RNF220: variants seen among roughly 807,000 people sequenced by gnomAD.
RNF220 encodes the protein E3 ubiquitin-protein ligase RNF220.
In RNF220, 7 loss-of-function variants were observed where a neutral mutation model predicts 67.1. That is an observed-to-expected ratio of 0.10 (90% CI 0.06 to 0.20). The LOEUF (loss-of-function observed/expected upper bound fraction) is 0.20. RNF220 is among the 10% of genes least tolerant of loss of function. The pLI, the probability that RNF220 is intolerant of heterozygous loss-of-function variation, is 1.00. For missense variants in RNF220, 565 were observed against 740.3 expected, an observed-to-expected ratio of 0.76 and a Z score of 2.75; for synonymous variants, 270 against 283.2, an observed-to-expected ratio of 0.95 and a Z score of 0.47.
chr1:44,617,563 C>A (rs1557442814), intron 3 of RNF220, among the ~76,000 whole-genome samples: 1 of 152,250 alleles, frequency 6.6e-6, no homozygotes, highest in Admixed American at 6.5e-5. Flanking sequence ...GCGGGGAGCG[C>A]GGGGAGGGCC....
At chr1:44,478,432 G>A (rs1655483806) in intron 2 of RNF220, among the ~76,000 whole-genome samples, 1 of 151,958 alleles carries the variant, frequency 6.6e-6, no homozygotes, top group Non-Finnish European at 1.5e-5. Flanking sequence ...AAAAAAAAAG[G>A]GAAGAACTGC....
chr1:44,564,190 G>A (rs1663804551), intron 2 of RNF220, among the ~76,000 whole-genome samples: 1 of 152,152 alleles, frequency 6.6e-6, no homozygotes, highest in Admixed American at 6.5e-5. Flanking sequence ...TCAGAGAAAT[G>A]TTTCTCAAAT....
chr1:44,636,954 A>G (rs1019568184), intron 8 of RNF220, among the ~76,000 whole-genome samples: 20 of 152,216 alleles, frequency 1.3e-4, no homozygotes, highest in African/African-American at 4.8e-4. Flanking sequence ...GCAGGGGAAA[A>G]GGGGAGCTGT....
At chr1:44,644,608 C>T in intron 8 of RNF220, 90 bp from the exon 9 acceptor site, 1 of 984,344 alleles carries the variant, frequency 1.0e-6, no homozygotes, top group East Asian at 2.4e-5. Flanking sequence ...CTTATCAGGT[C>T]CAAAGCCTAA....
intron 2 of RNF220, among the ~76,000 whole-genome samples, chr1:44,577,642 G>A (rs372880970): frequency 1.8e-4 from 27 of 152,198 alleles, no homozygotes; most frequent in East Asian, 1.5e-3. Context: ...GATACTTAAG[G>A]GAGTGATCAG....
intron 2 of RNF220, among the ~76,000 whole-genome samples, chr1:44,480,400 G>A (rs751762092): frequency 1.3e-5 from 2 of 151,500 alleles, no homozygotes; most frequent in African/African-American, 4.9e-5. Flanking sequence ...AAGTGACTCT[G>A]TCTCAAAAAT....
At position 44,538,630 on chromosome 1, in the gene RNF220, T is replaced by A. The variant is rs114266943; in HGVS notation, c.626-75535T>A. On this transcript the variant is annotated intron_variant, in intron 2 of 14. Transcript: ENST00000361799. ...ATCATTGCCCTCTTAAAAAGCTCTA[T>A]TCTGGCCAAGCGCAGTGGCTCATGC... Among the ~76,000 whole-genome samples, 30 of 152,316 alleles carry A rather than the reference T, an allele frequency of 2.0e-4. No homozygotes were observed. In the East Asian group the frequency reaches 5.8e-3, roughly 29 times the overall value.
intron 2 of RNF220, among the ~76,000 whole-genome samples, chr1:44,433,593 C>T (rs891559740): frequency 6.6e-6 from 1 of 152,230 alleles, no homozygotes; most frequent in Non-Finnish European, 1.5e-5. Context: ...AAACTGTGAA[C>T]TGCAGGGTGT....
Position 44,412,823 on chromosome 1 carries a change from A to G in RNF220, c.625+101A>G. On this transcript the variant is annotated intron_variant, in intron 2 of 14. Transcript: ENST00000361799. This position sits in a 1 kb window ranked among gnomAD's most constrained non-coding sequence, Gnocchi z 5.3. ...GTTTTGCATGCTCCTAGTAATAGGA[A>G]GGGCCAACTACTTCCCTTTCACTAG... 8.3e-6 allele frequency: 11 copies of G among 1,328,126 alleles called. No homozygotes were observed. Among genetic ancestry groups the G allele is most frequent in the South Asian group, 7.0e-5 (5 of 71,316 alleles). 82.3% of individuals were successfully genotyped at this position (1,328,126 alleles called of 1,614,324 possible). A position where few individuals can be genotyped will look rare whatever the true frequency, so the allele number is the denominator to read the frequency against.
intron 8 of RNF220, among the ~76,000 whole-genome samples, chr1:44,642,560 A>G (rs1401864693): frequency 2.0e-5 from 3 of 152,224 alleles, no homozygotes; most frequent in Non-Finnish European, 2.9e-5. Context: ...GAGAAAGCAC[A>G]GGATTTGGGA....
intron 2 of RNF220, among the ~76,000 whole-genome samples, chr1:44,459,272 T>C (rs1176550053): frequency 2.0e-5 from 3 of 152,158 alleles, no homozygotes; most frequent in African/African-American, 7.2e-5. Flanking sequence ...TGTTTATCTA[T>C]TGAGTAATCC....
chr1:44,646,463 C>T (rs967007424), intron 12 of RNF220, among the ~76,000 whole-genome samples: 3 of 152,230 alleles, frequency 2.0e-5, no homozygotes, highest in African/African-American at 4.8e-5. Flanking sequence ...GTGTCAGCGC[C>T]GGAGCGGGCC....
At chr1:44,470,649 C>T (rs889039908) in intron 2 of RNF220, among the ~76,000 whole-genome samples, 1 of 152,076 alleles carries the variant, frequency 6.6e-6, no homozygotes, top group South Asian at 2.1e-4. Context: ...TTCTATAGAC[C>T]TTTACCACCA....
chr1:44,513,928 T>C (rs1256507978), intron 2 of RNF220, among the ~76,000 whole-genome samples: 2 of 152,216 alleles, frequency 1.3e-5, no homozygotes, highest in Admixed American at 6.5e-5. Context: ...TTTGGAAGTT[T>C]CCCTTCAGGA....
chr1:44,458,036 T>C (rs1653378498), intron 2 of RNF220, among the ~76,000 whole-genome samples: 1 of 151,926 alleles, frequency 6.6e-6, no homozygotes, highest in East Asian at 1.9e-4. Context: ...GTGGGAGGAT[T>C]GCTTGAGCCT....
intron 2 of RNF220, among the ~76,000 whole-genome samples, chr1:44,421,446 C>A (rs908962426): frequency 6.6e-6 from 1 of 152,000 alleles, no homozygotes; most frequent in Non-Finnish European, 1.5e-5. Flanking sequence ...TACCCTCTTG[C>A]CTATGTGAGA....
At chr1:44,540,286 A>G (rs374938067) in intron 2 of RNF220, among the ~76,000 whole-genome samples, 2 of 152,182 alleles carry the variant, frequency 1.3e-5, no homozygotes, top group South Asian at 4.1e-4. Context: ...GGAGAAGATC[A>G]GAAAGGAAGA....
chr1:44,598,263 C>T (rs1666674856), intron 2 of RNF220, among the ~76,000 whole-genome samples: 1 of 152,156 alleles, frequency 6.6e-6, no homozygotes, highest in South Asian at 2.1e-4. Context: ...TGAGCAGCAG[C>T]AGGAGCTGCA....
intron 2 of RNF220, among the ~76,000 whole-genome samples, chr1:44,472,344 G>A (rs1654889793): frequency 6.6e-6 from 1 of 152,158 alleles, no homozygotes; most frequent in Non-Finnish European, 1.5e-5. Flanking sequence ...CATCAGCCTT[G>A]CATGAGGGTT....
Sources: allele counts gnomAD v4.1 joint callset (sites outside exome capture counted in the v4.1 genomes callset), GRCh38; gene constraint gnomAD v4.1.1; non-coding constraint Gnocchi (gnomAD v3.1); transcripts MANE v1.5; gene names NCBI Gene and HGNC (gene_info 2026-07-23, HGNC 2026-07-21).